Variants in EHBP1 observed in about 807,000 individuals in gnomAD.
The protein encoded by EHBP1 is EH domain-binding protein 1.
In EHBP1, 55 loss-of-function variants were observed where a neutral mutation model predicts 144.0. That is an observed-to-expected ratio of 0.38 (90% CI 0.31 to 0.48). The LOEUF (loss-of-function observed/expected upper bound fraction) is 0.48. Ranked by LOEUF, EHBP1 falls within the 20% of genes least tolerant of loss-of-function variation. The pLI is 0.98. For synonymous variants in EHBP1, 469 were observed against 472.7 expected (o/e 0.99, Z 0.10); for missense variants, 1,200 against 1,364.2 (o/e 0.88, Z 1.90).
At chr2:62,922,949 C>G (rs967725606) in intron 10 of EHBP1, among the ~76,000 whole-genome samples, 1 of 152,210 alleles carries the variant, frequency 6.6e-6, no homozygotes. Flanking sequence ...CCCACAGTCT[C>G]CATTTGGATA....
rs1295060725 is a variant in EHBP1, at chr2:62,837,171, T to C, written c.634+6013T>C. ...AGAAACCCTACAAGCCAGAAGAGAG[T>C]GGGGGCCAATATTCAATATTCTTAA... On this transcript the variant is annotated intron_variant, in intron 7 of 22. Transcript: ENST00000431489. Among the ~76,000 whole-genome samples the C allele has an allele frequency of 3.5e-5, 5 of 143,036 alleles. No individual in the cohort carries two copies. The South Asian group carries it at 1.2e-3, about 34-fold the overall frequency. The allele number at this position is 143,036 out of a possible 152,430, so 93.8% of individuals were successfully genotyped here.
At chr2:62,843,865 A>G (rs892327701) in intron 7 of EHBP1, among the ~76,000 whole-genome samples, 5 of 152,224 alleles carry the variant, frequency 3.3e-5, no homozygotes, top group Admixed American at 6.5e-5. Flanking sequence ...ATTTTTATTT[A>G]CCAGCAAAAG....
At position 62,851,354 on chromosome 2, in the gene EHBP1, A is replaced by G. The variant is rs189425090; in HGVS notation, c.635-7815A>G. ...CAATTTGCAGTTCTTCAAGTGTGTC[A>G]TGTTCTCTTTGCCTCCCTTTGTCCT... is the stretch of plus-strand genomic sequence containing the variant. On this transcript the variant is annotated intron_variant, in intron 7 of 22. Coordinates refer to ENST00000431489, the MANE Select transcript of EHBP1 (RefSeq NM_001142616.3). Among the ~76,000 whole-genome samples, 141 of 152,248 alleles carry G rather than the reference A, an allele frequency of 9.3e-4. 1 individual carries two copies. Among genetic ancestry groups the G allele is most frequent in the African/African-American group, 3.1e-3 (130 of 41,570 alleles).
At chr2:62,773,916 C>CATCAACT (rs1287054679) in intron 5 of EHBP1, among the ~76,000 whole-genome samples, 1 of 138,638 alleles carries the variant, frequency 7.2e-6, no homozygotes, top group Non-Finnish European at 1.5e-5. Flanking sequence ...GAGTAACATC[C>CATCAACT]ATCAACTATA....
intron 5 of EHBP1, among the ~76,000 whole-genome samples, chr2:62,809,075 G>A (rs1394681750): frequency 7.2e-5 from 11 of 151,938 alleles, no homozygotes; most frequent in Non-Finnish European, 1.6e-4. Flanking sequence ...GACAGATCAC[G>A]AGGTCAGGAG....
chr2:62,804,433 A>G (rs1309045375), intron 5 of EHBP1, among the ~76,000 whole-genome samples: 3 of 152,216 alleles, frequency 2.0e-5, no homozygotes, highest in Non-Finnish European at 4.4e-5. Context: ...CTACAAAAGG[A>G]ATTATAAGTG....
chr2:62,902,121 G>A lies in EHBP1; in HGVS notation c.1185+27589G>A, dbSNP rs115653098. Among the ~76,000 whole-genome samples the A allele has an allele frequency of 3.2e-3, 488 of 152,196 alleles. 4 individuals carry two copies. Among genetic ancestry groups the A allele is most frequent in the African/African-American group, 0.011 (460 of 41,474 alleles). On this transcript the variant is annotated intron_variant, in intron 10 of 22. Transcript: ENST00000431489. ...TTTCTGAGACAGTGTGGGCATGTTA[G>A]TTACACGTTCTACAAGAGCATTTTT...
At chr2:62,797,716 C>G (rs777493141) in intron 5 of EHBP1, among the ~76,000 whole-genome samples, 4 of 152,068 alleles carry the variant, frequency 2.6e-5, no homozygotes, top group Non-Finnish European at 4.4e-5. Context: ...AACAAAAATA[C>G]AAAACTGTAA....
At chr2:62,771,728 G>A (rs996022065) in intron 5 of EHBP1, 4 of 154,186 alleles carry the variant, frequency 2.6e-5, no homozygotes, top group Admixed American at 1.3e-4. Flanking sequence ...TTATCTGTCA[G>A]CATCTAGCAT....
At chr2:62,969,109 A>C (rs970681837) in intron 14 of EHBP1, among the ~76,000 whole-genome samples, 2 of 152,210 alleles carry the variant, frequency 1.3e-5, no homozygotes, top group Non-Finnish European at 2.9e-5. Context: ...TGGAGGCTCA[A>C]ACTATTTCTG....
At chr2:63,019,568 G>A (rs2060616203) in intron 19 of EHBP1, among the ~76,000 whole-genome samples, 2 of 151,772 alleles carry the variant, frequency 1.3e-5, no homozygotes, top group African/African-American at 4.8e-5. Context: ...TTAGCCGGGT[G>A]TGGTGGCACA....
intron 2 of EHBP1, among the ~76,000 whole-genome samples, chr2:62,719,199 G>A (rs1157896954): frequency 6.6e-6 from 1 of 151,972 alleles, no homozygotes; most frequent in African/African-American, 2.4e-5. Flanking sequence ...ACACGGGTCT[G>A]AAGTGATCCA....
At chr2:62,989,281 C>T (rs1243785635) in intron 15 of EHBP1, among the ~76,000 whole-genome samples, 1 of 151,982 alleles carries the variant, frequency 6.6e-6, no homozygotes, top group East Asian at 1.9e-4. Context: ...AAACCAATCA[C>T]ATCTTTTTAA....
At chr2:62,857,361 G>A (rs1225786910) in intron 7 of EHBP1, among the ~76,000 whole-genome samples, 5 of 152,150 alleles carry the variant, frequency 3.3e-5, no homozygotes, top group Admixed American at 2.6e-4. Context: ...TGTGTCCGAA[G>A]AATAGGTCTT....
chr2:62,746,133 T>A (rs1475924206), intron 2 of EHBP1, among the ~76,000 whole-genome samples: 1 of 152,106 alleles, frequency 6.6e-6, no homozygotes, highest in Non-Finnish European at 1.5e-5. Context: ...TTGGCTACTG[T>A]TCTCCTCTTG....
chr2:63,043,917 G>GTTTTTTTT (rs1559110359), intron 21 of EHBP1: 7 of 36,166 alleles, frequency 1.9e-4, no homozygotes, highest in African/African-American at 1.0e-3. Context: ...AGTGGCCATG[G>GTTTTTTTT]TTCTTTTTTT....
At chr2:62,899,853 T>C (rs2053251569) in intron 10 of EHBP1, among the ~76,000 whole-genome samples, 1 of 152,204 alleles carries the variant, frequency 6.6e-6, no homozygotes, top group African/African-American at 2.4e-5. Context: ...AGATTCTCCA[T>C]AGTCTCCACA....
intron 7 of EHBP1, among the ~76,000 whole-genome samples, chr2:62,849,462 G>C (rs10176033): frequency 1.2e-3 from 181 of 152,176 alleles, no homozygotes; most frequent in Middle Eastern, 0.01. Flanking sequence ...GCTAGGTCCA[G>C]TCAACCCACA....
chr2:62,752,709 A>C (rs575986506), intron 3 of EHBP1, among the ~76,000 whole-genome samples: 3 of 152,174 alleles, frequency 2.0e-5, no homozygotes, highest in South Asian at 2.1e-4. Flanking sequence ...CTTCTTGTTG[A>C]ATTGATCCCT....
Sources: gnomAD v4.1 joint callset for allele counts (sites outside exome capture counted in the v4.1 genomes callset) on GRCh38, gnomAD v4.1.1 for gene constraint, MANE v1.5 for transcripts, NCBI Gene and HGNC (gene_info 2026-07-23, HGNC 2026-07-21) for gene names.